ANKH: variants seen among roughly 807,000 people sequenced by gnomAD.
ANKH encodes the protein mineralization regulator ANKH.
In ANKH, 15 loss-of-function variants were observed where a neutral mutation model predicts 49.0. The ratio of observed to expected loss-of-function variants is 0.31; its 90% CI spans 0.20 to 0.47. The LOEUF (loss-of-function observed/expected upper bound fraction) is 0.47, where lower values mean the gene tolerates loss of function less well. Ranked by LOEUF, ANKH falls within the 20% of genes least tolerant of loss-of-function variation. The pLI is 1.00. For missense variants in ANKH, 429 were observed against 652.0 expected (o/e 0.66, Z 3.72); for synonymous variants, 273 against 260.0 (o/e 1.05, Z -0.48).
At chr5:14,853,181 T>A (rs1038346442) in intron 1 of ANKH, among the ~76,000 whole-genome samples, 1 of 152,188 alleles carries the variant, frequency 6.6e-6, no homozygotes, top group African/African-American at 2.4e-5. Context: ...AGACAAATAA[T>A]AAATTTCAAT....
intron 8 of ANKH, chr5:14,724,444 G>C: frequency 1.8e-6 from 1 of 545,084 alleles, no homozygotes; most frequent in Non-Finnish European, 2.3e-6. Context: ...GTATCAATGG[G>C]CTAAGTCATG....
intron 1 of ANKH, among the ~76,000 whole-genome samples, chr5:14,782,499 A>AGT (rs1739838563): frequency 6.6e-6 from 1 of 152,186 alleles, no homozygotes; most frequent in African/African-American, 2.4e-5. Flanking sequence ...CTTTACTTTG[A>AGT]ATTAGAGATT....
rs1436795316 is a variant in ANKH at position 14,768,870 on chromosome 5, A to G, written c.313+105T>C. 2.4e-6 allele frequency: 3 copies of G among 1,248,824 alleles called. No homozygotes were observed. The East Asian group carries it at 7.0e-5, about 29-fold the overall frequency. The allele number at this position is 1,248,824 out of a possible 1,614,324, so 77.4% of individuals were successfully genotyped here. ...CTGAAAATTTCATAAGAAACATTTG[A>G]TAATTAGTGAAGAAACCACTTATCT... On this transcript the variant is annotated intron_variant, in intron 2 of 11. Transcript: ENST00000284268.
intron 1 of ANKH, among the ~76,000 whole-genome samples, chr5:14,813,132 T>C (rs1740935960): frequency 6.6e-6 from 1 of 152,102 alleles, no homozygotes; most frequent in Admixed American, 6.5e-5. Flanking sequence ...TCCTAGCTAC[T>C]CAGGAGGCTA....
chr5:14,758,318 G>C (rs1257243074), intron 3 of ANKH, among the ~76,000 whole-genome samples, 162 bp downstream of exon 3: 2 of 152,166 alleles, frequency 1.3e-5, no homozygotes, highest in African/African-American at 4.8e-5. Flanking sequence ...TCTCAGTTTT[G>C]CAAGATGAAG....
intron 1 of ANKH, among the ~76,000 whole-genome samples, chr5:14,789,869 C>A (rs1740106030): frequency 1.3e-5 from 2 of 152,102 alleles, no homozygotes; most frequent in African/African-American, 4.8e-5. Context: ...TGTCACCATG[C>A]ATGGCTAATT....
chr5:14,809,307 C>T lies in ANKH; in HGVS notation c.97-40116G>A, dbSNP rs1321733818. 6.4e-5 allele frequency among the ~76,000 whole-genome samples: 6 copies of T among 93,592 alleles called. No individual in the cohort carries two copies. In the East Asian group the frequency reaches 2.0e-3, roughly 31 times the overall value. 61.4% of individuals were successfully genotyped at this position (93,592 alleles called of 152,430 possible). A position where few individuals can be genotyped will look rare whatever the true frequency, so the allele number is the denominator to read the frequency against. Reference sequence around the variant, plus strand: ...ATATGTAACTAACCTGCACAATGTGCACATGTACCCTAAAACTTAGAGTAT... The same window carrying T: ...ATATGTAACTAACCTGCACAATGTGTACATGTACCCTAAAACTTAGAGTAT... On this transcript the variant is annotated intron_variant, in intron 1 of 11. Coordinates refer to ENST00000284268, the MANE Select transcript of ANKH (RefSeq NM_054027.6).
intron 2 of ANKH, among the ~76,000 whole-genome samples, chr5:14,766,171 C>T (rs528895125): frequency 5.9e-5 from 9 of 151,792 alleles, no homozygotes; most frequent in African/African-American, 9.7e-5. Flanking sequence ...GTAGGCAGAT[C>T]GCTTGAACTC....
rs1736925655 is a variant in ANKH, at chr5:14,705,805, ACG to A, written c.*5390_*5391del. The A allele has an allele frequency of 6.6e-6, 1 of 152,578 alleles. No individual in the cohort carries two copies. The highest frequency in any genetic ancestry group is 6.5e-5 in the Admixed American group (1 of 15,284). The allele number at this position is 152,578 out of a possible 1,614,324, so 9.5% of individuals were successfully genotyped here. A position where few individuals can be genotyped will look rare whatever the true frequency, so the allele number is the denominator to read the frequency against. On this transcript the variant is annotated 3_prime_UTR_variant, in exon 12 of 12. Transcript: ENST00000284268. The stretch of plus-strand genomic sequence containing the variant: ...GATGTGTACCCTGTACTCCTTTGTT[ACG>A]CAAGGGTGGTTTGAACTTAGCTTTC...
chr5:14,836,252 T>C (rs1485216251), intron 1 of ANKH, among the ~76,000 whole-genome samples: 3 of 152,272 alleles, frequency 2.0e-5, no homozygotes, highest in African/African-American at 7.2e-5. Flanking sequence ...AACATAGTGT[T>C]GGAAGTTCTG....
intron 9 of ANKH, among the ~76,000 whole-genome samples, chr5:14,715,482 A>G (rs1018628934): frequency 6.6e-6 from 1 of 152,162 alleles, no homozygotes; most frequent in African/African-American, 2.4e-5. Context: ...TTTCCAGTTT[A>G]ATGATTTAGG....
At chr5:14,842,894 G>A (rs1741853082) in intron 1 of ANKH, among the ~76,000 whole-genome samples, 1 of 152,082 alleles carries the variant, frequency 6.6e-6, no homozygotes, top group Admixed American at 6.5e-5. Flanking sequence ...ACATTGTAAG[G>A]CAGAACACAT....
At chr5:14,823,425 T>C (rs1741250771) in intron 1 of ANKH, among the ~76,000 whole-genome samples, 1 of 152,136 alleles carries the variant, frequency 6.6e-6, no homozygotes, top group South Asian at 2.1e-4. Context: ...AATGAACAAT[T>C]TGCAGTGGAA....
intron 1 of ANKH, among the ~76,000 whole-genome samples, chr5:14,833,024 T>G (rs1741547339): frequency 6.6e-6 from 1 of 152,236 alleles, no homozygotes. Flanking sequence ...GAAATCACAG[T>G]GCTGCTTTGA....
intron 1 of ANKH, among the ~76,000 whole-genome samples, chr5:14,829,637 C>A (rs1741447993): frequency 1.3e-5 from 2 of 152,170 alleles, no homozygotes; most frequent in South Asian, 4.1e-4. Context: ...CAGGCTAGGG[C>A]TGCCCAACCA....
In ANKH at chr5:14,723,262, G is replaced by A. The variant is rs113341680; in HGVS notation, c.1012-6427C>T. ...CTGGCTCCTCGGTTGTAACATGCGCGCTGCAGTAAAGTAATGTGAGTGAGG... is the reference window on the plus strand; with the variant it reads ...CTGGCTCCTCGGTTGTAACATGCGCACTGCAGTAAAGTAATGTGAGTGAGG... On this transcript the variant is annotated intron_variant, in intron 8 of 11. Coordinates refer to ENST00000284268, the MANE Select transcript of ANKH (RefSeq NM_054027.6). Among the ~76,000 whole-genome samples the A allele has an allele frequency of 7.5e-3, 1,138 of 151,962 alleles. 15 individuals are homozygous for A. The highest frequency in any genetic ancestry group is 0.026 in the African/African-American group (1,056 of 41,406).
In ANKH at chr5:14,708,500, C is replaced by T. The variant is rs1401065000; in HGVS notation, c.*2697G>A. 1 of 152,118 alleles carries T rather than the reference C, an allele frequency of 6.6e-6. No homozygotes were observed. Among genetic ancestry groups the T allele is most frequent in the African/African-American group, 2.4e-5 (1 of 41,414 alleles). The allele number at this position is 152,118 out of a possible 1,614,324, so 9.4% of individuals were successfully genotyped here. A position where few individuals can be genotyped will look rare whatever the true frequency, so the allele number is the denominator to read the frequency against. ...TGGTCACAAAAGTCAAAAAGTTGCC[C>T]CAATGACTCTGAAAAGTGGGAAGGA... On this transcript the variant is annotated 3_prime_UTR_variant, in exon 12 of 12. Coordinates refer to ENST00000284268, the MANE Select transcript of ANKH (RefSeq NM_054027.6).
intron 2 of ANKH, among the ~76,000 whole-genome samples, chr5:14,766,142 A>C (rs961936362): frequency 3.3e-5 from 5 of 152,150 alleles, no homozygotes; most frequent in African/African-American, 4.8e-5. Context: ...CTGTAATCCC[A>C]GCACTTTGGG....
intron 1 of ANKH, among the ~76,000 whole-genome samples, chr5:14,778,051 G>T (rs1739688104): frequency 6.6e-6 from 1 of 152,202 alleles, no homozygotes; most frequent in African/African-American, 2.4e-5. Flanking sequence ...CTCCACCTGA[G>T]ATGGCACTGC....
Sources: allele counts gnomAD v4.1 joint callset (sites outside exome capture counted in the v4.1 genomes callset), GRCh38; gene constraint gnomAD v4.1.1; transcripts MANE v1.5; gene names NCBI Gene and HGNC (gene_info 2026-07-23, HGNC 2026-07-21).